The following CSGALNACT1 variants were observed in gnomAD, a reference collection of about 807,000 sequenced individuals.
CSGALNACT1 encodes chondroitin sulfate N-acetylgalactosaminyltransferase 1, also known as beta4GalNAcT-1.
A neutral mutation model predicts 51.0 loss-of-function variants in CSGALNACT1; 52 were observed. The observed-to-expected ratio is 1.02, with a 90% CI of 0.82 to 1.29. The LOEUF (loss-of-function observed/expected upper bound fraction) is 1.29, where lower values mean the gene tolerates loss of function less well. CSGALNACT1 is among the 50% of genes most tolerant of loss of function. The pLI, the probability that CSGALNACT1 is intolerant of heterozygous loss-of-function variation, is 0.00. For synonymous variants in CSGALNACT1, 341 were observed against 254.4 expected (o/e 1.34, Z -3.24); for missense variants, 935 against 679.2 (o/e 1.38, Z -4.19).
At chr8:19,704,391 C>G (rs953228432) in intron 1 of CSGALNACT1, among the ~76,000 whole-genome samples, 4 of 152,122 alleles carry the variant, frequency 2.6e-5, no homozygotes, top group Non-Finnish European at 5.9e-5. Context: ...CACTTCACAC[C>G]TTAAGATGGC....
intron 1 of CSGALNACT1, among the ~76,000 whole-genome samples, chr8:19,661,812 T>C (rs1025918547): frequency 6.6e-6 from 1 of 152,180 alleles, no homozygotes; most frequent in African/African-American, 2.4e-5. Context: ...ATCACGGATA[T>C]GCCTTGCCTT....
intron 1 of CSGALNACT1, among the ~76,000 whole-genome samples, chr8:19,694,790 G>T (rs538772712): frequency 6.6e-6 from 1 of 152,272 alleles, no homozygotes; most frequent in Non-Finnish European, 1.5e-5. Context: ...TGAAGGTAAA[G>T]CACATTAATA....
intron 3 of CSGALNACT1, among the ~76,000 whole-genome samples, chr8:19,506,445 T>C (rs2077344925): frequency 6.6e-6 from 1 of 152,228 alleles, no homozygotes; most frequent in African/African-American, 2.4e-5. Flanking sequence ...TTCTGCATAG[T>C]GGCGCAAGTC....
At chr8:19,643,489 T>A (rs1035436782) in intron 1 of CSGALNACT1, among the ~76,000 whole-genome samples, 4 of 151,990 alleles carry the variant, frequency 2.6e-5, no homozygotes, top group African/African-American at 9.7e-5. Context: ...ATACAAAAAA[T>A]TAGCTGGGTG....
chr8:19,517,358 T>G lies in CSGALNACT1; in HGVS notation c.-296-11228A>C, dbSNP rs146996719. Among the ~76,000 whole-genome samples the G allele has an allele frequency of 4.2e-3, 638 of 152,194 alleles. 4 individuals carry two copies. Among genetic ancestry groups the G allele is most frequent in the African/African-American group, 0.015 (606 of 41,528 alleles). ...GGGAGGCTGAGGCAGGAGAATCGCTTGAATCTGGGAGGCAGAGGTTGCCGT... is the reference window on the plus strand; with the variant it reads ...GGGAGGCTGAGGCAGGAGAATCGCTGGAATCTGGGAGGCAGAGGTTGCCGT... On this transcript the variant is annotated intron_variant, in intron 3 of 9. Transcript: ENST00000454498.
intron 1 of CSGALNACT1, among the ~76,000 whole-genome samples, chr8:19,735,285 G>A (rs1273852654): frequency 6.6e-6 from 1 of 152,060 alleles, no homozygotes; most frequent in Non-Finnish European, 1.5e-5. Context: ...GCACTCTGGG[G>A]CCCCAAAATT....
intron 6 of CSGALNACT1, among the ~76,000 whole-genome samples, chr8:19,432,044 C>G (rs1375928137): frequency 2.0e-5 from 3 of 152,058 alleles, no homozygotes; most frequent in African/African-American, 4.8e-5. Context: ...TTATATTTGC[C>G]TATGTAGTTA....
rs577571373 is a variant in CSGALNACT1, at chr8:19,433,580, C to T, written c.953+6250G>A. On this transcript the variant is annotated intron_variant, in intron 6 of 9. Coordinates refer to ENST00000454498, the Ensembl canonical transcript of CSGALNACT1. ...ACAAATGCTCTCCCTGAAGAAAATA[C>T]TTTCTGCATTGGAAGAGCTCTGAGT... Among the ~76,000 whole-genome samples the T allele has an allele frequency of 2.3e-4, 35 of 152,306 alleles. No homozygotes were observed. The East Asian group carries it at 4.4e-3, about 19-fold the overall frequency.
At chr8:19,483,484 A>G (rs1402582556) in intron 4 of CSGALNACT1, among the ~76,000 whole-genome samples, 1 of 152,072 alleles carries the variant, frequency 6.6e-6, no homozygotes, top group Non-Finnish European at 1.5e-5. Flanking sequence ...TACCACCACT[A>G]TTGGTCCCCA....
At chr8:19,595,796 T>C (rs1448011505) in intron 2 of CSGALNACT1, among the ~76,000 whole-genome samples, 1 of 152,082 alleles carries the variant, frequency 6.6e-6, no homozygotes, top group Non-Finnish European at 1.5e-5. Flanking sequence ...CTCCCTCTCT[T>C]ATTCCAGACT....
chr8:19,654,465 T>C, intron 1 of CSGALNACT1, among the ~76,000 whole-genome samples: 1 of 152,194 alleles, frequency 6.6e-6, no homozygotes, highest in East Asian at 1.9e-4. Context: ...TCCTTAATGG[T>C]TGAGTGACCA....
At chr8:19,443,160 T>C (rs1426440826) in intron 5 of CSGALNACT1, among the ~76,000 whole-genome samples, 1 of 152,186 alleles carries the variant, frequency 6.6e-6, no homozygotes, top group Non-Finnish European at 1.5e-5. Flanking sequence ...CCATGTCCTG[T>C]CCTCTCAAGA....
chr8:19,475,299 A>G (rs2069267185), intron 4 of CSGALNACT1, among the ~76,000 whole-genome samples: 2 of 152,184 alleles, frequency 1.3e-5, no homozygotes, highest in Admixed American at 6.5e-5. Flanking sequence ...AAGGGCCAAG[A>G]AGGCAGCCTG....
intron 4 of CSGALNACT1, among the ~76,000 whole-genome samples, chr8:19,461,692 G>T (rs1031149196): frequency 1.3e-5 from 2 of 150,996 alleles, no homozygotes; most frequent in African/African-American, 2.5e-5. Context: ...TCACCATGGG[G>T]GGCGTATCCG....
chr8:19,495,740 T>A (rs1397421900), intron 4 of CSGALNACT1, among the ~76,000 whole-genome samples: 1 of 152,178 alleles, frequency 6.6e-6, no homozygotes, highest in Non-Finnish European at 1.5e-5. Context: ...CTCCTCAGGG[T>A]TTAAAGTCTT....
Position 19,494,169 on chromosome 8 carries a change from A to G in CSGALNACT1, c.634+11032T>C, listed in dbSNP as rs11995737. Among the ~76,000 whole-genome samples the G allele has an allele frequency of 7.7e-3, 1,171 of 152,254 alleles. 14 individuals are homozygous for G. The highest frequency in any genetic ancestry group is 0.027 in the African/African-American group (1,102 of 41,540). ...TCACCTTGCCATGCCCTCTTCTTCT[A>G]TCTAAACCTATTATGTTCCTCCTTG... is the stretch of plus-strand genomic sequence containing the variant. On this transcript the variant is annotated intron_variant, in intron 4 of 9. Coordinates refer to ENST00000454498, the Ensembl canonical transcript of CSGALNACT1.
At chr8:19,647,770 G>C (rs1261240214) in intron 1 of CSGALNACT1, among the ~76,000 whole-genome samples, 1 of 152,154 alleles carries the variant, frequency 6.6e-6, no homozygotes, top group African/African-American at 2.4e-5. Context: ...TACAAGCTTT[G>C]GGACTGGTTT....
At chr8:19,731,798 A>C (rs2063708463) in intron 1 of CSGALNACT1, among the ~76,000 whole-genome samples, 1 of 152,210 alleles carries the variant, frequency 6.6e-6, no homozygotes, top group Non-Finnish European at 1.5e-5. Context: ...GAAACAGCAG[A>C]TACTTACTTG....
At chr8:19,743,251 C>T (rs777435092) in intron 1 of CSGALNACT1, among the ~76,000 whole-genome samples, 12 of 152,036 alleles carry the variant, frequency 7.9e-5, no homozygotes, top group Non-Finnish European at 1.3e-4. Context: ...TTACATGAAA[C>T]GTATGGAGTG....
Sources: gnomAD v4.1 joint callset for allele counts (sites outside exome capture counted in the v4.1 genomes callset) on GRCh38, gnomAD v4.1.1 for gene constraint, MANE v1.5 for transcripts, NCBI Gene and HGNC (gene_info 2026-07-23, HGNC 2026-07-21) for gene names.